Variants in XRRA1 observed in about 807,000 individuals in gnomAD.
XRRA1 encodes X-ray radiation resistance-associated protein 1.
XRRA1 carries 69 observed loss-of-function variants against 80.2 expected under a neutral mutation model. The observed-to-expected ratio is 0.86, with a 90% confidence interval of 0.71 to 1.05. XRRA1 has a LOEUF of 1.05. Ranked by LOEUF, XRRA1 falls within the 50% of genes least tolerant of loss-of-function variation. XRRA1 has a pLI of 0.00. For synonymous variants in XRRA1, 348 were observed against 389.9 expected, an observed-to-expected ratio of 0.89 and a Z score of 1.27; for missense variants, 967 against 976.4, an observed-to-expected ratio of 0.99 and a Z score of 0.13.
chr11:74,845,269 C>CA lies in XRRA1; in HGVS notation c.1730dup (p.Ser578GlufsTer2). The CA allele has an allele frequency of 6.2e-7, 1 of 1,610,322 alleles. No individual in the cohort carries two copies. The highest frequency in any genetic ancestry group is 8.5e-7 in the Non-Finnish European group (1 of 1,177,812). On this transcript the variant is annotated frameshift_variant and splice_region_variant, in exon 16 of 19. Transcript: ENST00000684022. LOFTEE classifies it high-confidence loss of function. ...GGATGACGGAGGAAGGCAGTTCACTCACCTGTGCCCAGGAAGAAAACGCAT... is the reference window on the plus strand; with the variant it reads ...GGATGACGGAGGAAGGCAGTTCACTCAACCTGTGCCCAGGAAGAAAACGCAT...
intron 10 of XRRA1, among the ~76,000 whole-genome samples, chr11:74,874,474 T>G (rs949071747): frequency 6.6e-6 from 1 of 152,280 alleles, no homozygotes. Context: ...GTGGGCTCCC[T>G]AAGTAAGGAA....
At chr11:74,940,722 T>G (rs1591636397) in intron 3 of XRRA1, 63 bp downstream of exon 3, 16 of 1,329,674 alleles carry the variant, frequency 1.2e-5, no homozygotes, top group Non-Finnish European at 1.5e-5. Context: ...CAAGTAGATG[T>G]GAGATGGTCT....
chr11:74,924,822 A>G (rs1257977066), intron 7 of XRRA1, among the ~76,000 whole-genome samples: 1 of 152,188 alleles, frequency 6.6e-6, no homozygotes, highest in Non-Finnish European at 1.5e-5. Flanking sequence ...ACAGAGGGAG[A>G]CTGTCTCAAA....
intron 7 of XRRA1, among the ~76,000 whole-genome samples, chr11:74,925,745 G>T (rs933272253): frequency 6.6e-6 from 1 of 152,178 alleles, no homozygotes; most frequent in Non-Finnish European, 1.5e-5. Flanking sequence ...CTAGTCAGTT[G>T]TGGGGTCAGA....
At chr11:74,887,804 C>T (rs1044154207) in intron 10 of XRRA1, among the ~76,000 whole-genome samples, 1 of 152,060 alleles carries the variant, frequency 6.6e-6, no homozygotes, top group Non-Finnish European at 1.5e-5. Context: ...GGATCCTAGG[C>T]CCAAGGAGCC....
chr11:74,841,650 C>T lies in XRRA1; in HGVS notation c.*1550G>A, dbSNP rs927195314. ...GAGGCAACCTCAAACTCTAAGCAGACTCCCTCTCTCCCTTTCTGGTGTCTT... is the reference window on the plus strand; with the variant it reads ...GAGGCAACCTCAAACTCTAAGCAGATTCCCTCTCTCCCTTTCTGGTGTCTT... On this transcript the variant is annotated 3_prime_UTR_variant, in exon 19 of 19. Transcript: ENST00000684022. 2 of 152,192 alleles carry T rather than the reference C, an allele frequency of 1.3e-5. No individual in the cohort carries two copies. Among genetic ancestry groups the T allele is most frequent in the Non-Finnish European group, 2.9e-5 (2 of 68,028 alleles). The allele number at this position is 152,192 out of a possible 1,614,324, so 9.4% of individuals were successfully genotyped here. A position where few individuals can be genotyped will look rare whatever the true frequency, so the allele number is the denominator to read the frequency against.
intron 8 of XRRA1, chr11:74,911,149 G>C (rs2138417527): frequency 6.6e-6 from 1 of 152,412 alleles, no homozygotes; most frequent in Non-Finnish European, 1.5e-5. Context: ...ACGTTTAAGA[G>C]GCTAGCAGAA....
chr11:74,902,275 G>T (rs1181072055), intron 10 of XRRA1, among the ~76,000 whole-genome samples: 1 of 152,180 alleles, frequency 6.6e-6, no homozygotes, highest in Non-Finnish European at 1.5e-5. Flanking sequence ...ACAAATGCTG[G>T]TGAGGATGTG....
At chr11:74,947,108 A>C (rs966577382) in intron 1 of XRRA1, among the ~76,000 whole-genome samples, 1 of 152,096 alleles carries the variant, frequency 6.6e-6, no homozygotes, top group Admixed American at 6.5e-5. Flanking sequence ...AATGATTGTT[A>C]ATTGAACTAA....
intron 10 of XRRA1, among the ~76,000 whole-genome samples, 167 bp downstream of exon 10, chr11:74,906,072 C>T (rs1446298725): frequency 6.6e-6 from 1 of 152,190 alleles, no homozygotes; most frequent in Non-Finnish European, 1.5e-5. Context: ...CAAAAGAAAT[C>T]AATACACCAA....
At chr11:74,855,194 T>C (rs1257423637) in intron 12 of XRRA1, among the ~76,000 whole-genome samples, 8 of 152,210 alleles carry the variant, frequency 5.3e-5, no homozygotes, top group African/African-American at 1.9e-4. Context: ...AGATAGAGGA[T>C]GAACCTAAAA....
intron 6 of XRRA1, 111 bp from the exon 7 acceptor site, chr11:74,927,599 AG>A (rs1396827713): frequency 1.5e-6 from 1 of 671,142 alleles, no homozygotes; most frequent in Non-Finnish European, 2.5e-6. Context: ...GCACTGTATA[AG>A]GTACTTTACA....
chr11:74,851,376 A>T (rs545566569), intron 13 of XRRA1, among the ~76,000 whole-genome samples, 173 bp from the exon 14 acceptor site: 15 of 152,118 alleles, frequency 9.9e-5, no homozygotes, highest in Non-Finnish European at 1.8e-4. Flanking sequence ...TCCTACCATT[A>T]TTCCCATTCA....
At chr11:74,936,141 C>CTTTTTGGT (rs1565444916) in intron 4 of XRRA1, among the ~76,000 whole-genome samples, 1 of 152,226 alleles carries the variant, frequency 6.6e-6, no homozygotes, top group Non-Finnish European at 1.5e-5. Context: ...TCTTAGGGAG[C>CTTTTTGGT]TATGAGAACT....
rs188482988 is a variant in XRRA1, at chr11:74,887,400, A to G, written c.1003+18839T>C. 1.7e-3 allele frequency among the ~76,000 whole-genome samples: 253 copies of G among 152,326 alleles called. 2 individuals are homozygous for G. The highest frequency in any genetic ancestry group is 6.0e-3 in the African/African-American group (249 of 41,586). ...AAACCACCCCATTAAAAAGTAGGCA[A>G]ACGACATGAACAGATACTTTTCAAA... On this transcript the variant is annotated intron_variant, in intron 10 of 18. Transcript: ENST00000684022.
In XRRA1 at chr11:74,848,135, C is replaced by G; in HGVS notation, c.1708G>C (p.Glu570Gln). The stretch of plus-strand genomic sequence containing the variant: ...GGTACCTGGGTCAGGAAGATGGACT[C>G]TGTGCTCTTGGAGTCCTCATCTGAT... ...RPSDEDSKSTESIFLTQVSEL... is the reference protein window; with the variant it reads ...RPSDEDSKSTQSIFLTQVSEL... The change falls in exon 15 of 19, where the codon GAG becomes CAG. Residue 570 changes from glutamate to glutamine, a missense_variant. Glu to Gln is a conservative substitution (Grantham distance 29, BLOSUM62 2). Transcript: ENST00000684022. 1 of 1,611,160 alleles carries G rather than the reference C, an allele frequency of 6.2e-7. No individual in the cohort carries two copies. Among genetic ancestry groups the G allele is most frequent in the Non-Finnish European group, 8.5e-7 (1 of 1,179,666 alleles).
In XRRA1 at chr11:74,844,118, G is replaced by A; in HGVS notation, c.2043+50C>T. On this transcript the variant is annotated intron_variant, in intron 17 of 18. Transcript: ENST00000684022. ...CAAGGTGACAGCCACATCTGTAATT[G>A]TGGGCGGTACTCAGGGGCCATTTAC... 1.9e-6 allele frequency: 3 copies of A among 1,556,586 alleles called. No homozygotes were observed. In the South Asian group the frequency reaches 3.4e-5, roughly 17 times the overall value.
At chr11:74,908,229 G>C (rs909839957) in intron 8 of XRRA1, among the ~76,000 whole-genome samples, 9 of 152,164 alleles carry the variant, frequency 5.9e-5, no homozygotes, top group African/African-American at 1.7e-4. Flanking sequence ...CCAAGGATAG[G>C]TATTATTTAT....
At chr11:74,909,756 T>C (rs897915907) in intron 8 of XRRA1, 1 of 152,070 alleles carries the variant, frequency 6.6e-6, no homozygotes, top group African/African-American at 2.4e-5. Flanking sequence ...CTGTTCAGAG[T>C]GGTGCTATTT....
Sources: gnomAD v4.1 joint callset for allele counts (sites outside exome capture counted in the v4.1 genomes callset) on GRCh38, gnomAD v4.1.1 for gene constraint, MANE v1.5 for transcripts, NCBI Gene and HGNC (gene_info 2026-07-23, HGNC 2026-07-21) for gene names.